Variants in CFAP53 observed in about 807,000 individuals in gnomAD.
The protein encoded by CFAP53 is cilia and flagella associated protein 53.
Under a neutral mutation model 59.7 loss-of-function variants are expected in CFAP53, and 62 were observed. The ratio of observed to expected loss-of-function variants is 1.04; its 90% CI spans 0.85 to 1.28. The LOEUF is 1.28. Ranked by LOEUF, CFAP53 falls within the 50% of genes most tolerant of loss-of-function variation. The pLI, the probability that CFAP53 is intolerant of heterozygous loss-of-function variation, is 0.00. For missense variants in CFAP53, 629 were observed against 615.6 expected (o/e 1.02, Z -0.23); for synonymous variants, 218 against 205.7 (o/e 1.06, Z -0.51).
At chr18:50,243,971 CA>C (rs928727724) in intron 5 of CFAP53, among the ~76,000 whole-genome samples, 5 of 150,448 alleles carry the variant, frequency 3.3e-5, no homozygotes, top group Admixed American at 1.3e-4. Flanking sequence ...AAAACAAAAA[CA>C]AAAAAAATCA....
At chr18:50,236,423 T>G (rs1426864968) in intron 7 of CFAP53, among the ~76,000 whole-genome samples, 2 of 152,212 alleles carry the variant, frequency 1.3e-5, no homozygotes, top group African/African-American at 2.4e-5. Context: ...AGCTTCTATC[T>G]CCATCTCCTT....
chr18:50,251,212 A>G (rs920790), intron 4 of CFAP53, among the ~76,000 whole-genome samples: 17,805 of 152,264 alleles, frequency 0.12, 1,245 homozygotes, highest in African/African-American at 0.19. Context: ...TGAAAACAGA[A>G]AAGTATAAAC....
rs557771609 is a variant in CFAP53 at position 50,251,481 on chromosome 18, C to A, written c.777G>T (p.Val259=). Residue 259 remains valine (V), a splice_region_variant and synonymous_variant, in exon 4 of 8, where the codon GTG becomes GTT. Transcript: ENST00000398545. ...QLLKEEEARL[V]ESNNAQIKHE... ...TCTAACAAGCATTTTAAAGGCCCAC[C>A]ACAAGGCGTGCCTCCTCTTCCTTCA... is the stretch of plus-strand genomic sequence containing the variant. The A allele has an allele frequency of 1.2e-5, 19 of 1,611,440 alleles. No homozygotes were observed. Among genetic ancestry groups the A allele is most frequent in the East Asian group, 4.5e-5 (2 of 44,898 alleles).
chr18:50,249,404 A>G (rs1395815773), intron 5 of CFAP53, among the ~76,000 whole-genome samples: 3 of 151,116 alleles, frequency 2.0e-5, no homozygotes, highest in African/African-American at 7.3e-5. Flanking sequence ...TGTAATCCCA[A>G]CTACTCAGGA....
chr18:50,233,840 T>C (rs1450494918), intron 7 of CFAP53, among the ~76,000 whole-genome samples: 3 of 152,198 alleles, frequency 2.0e-5, no homozygotes, highest in Non-Finnish European at 4.4e-5. Flanking sequence ...ACAAGCCTGA[T>C]ACTCTGGATT....
rs1262016193 is a variant in CFAP53 at position 50,243,085 on chromosome 18, T to C, written c.1028A>G (p.His343Arg). ...EDMIREQKIY[H>R]KYLAQRREEE... ...CTCACGTCTCTGTGCCAAATATTTATGGTATATCTTCTGTTCTCTTATCAT... is the reference window on the plus strand; with the variant it reads ...CTCACGTCTCTGTGCCAAATATTTACGGTATATCTTCTGTTCTCTTATCAT... Residue 343 changes from histidine (H) to arginine (R), a missense_variant, in exon 6 of 8, where the codon CAT (histidine) becomes CGT (arginine). Physicochemically the swap from His to Arg is conservative, Grantham distance 29 (BLOSUM62 0). Transcript: ENST00000398545. 5 of 1,613,112 alleles carry C rather than the reference T, an allele frequency of 3.1e-6. No homozygotes were observed. The highest frequency in any genetic ancestry group is 1.7e-5 in the Admixed American group (1 of 60,026).
chr18:50,238,148 AT>A (rs1232276481), intron 7 of CFAP53, among the ~76,000 whole-genome samples: 2 of 152,228 alleles, frequency 1.3e-5, no homozygotes, highest in East Asian at 3.8e-4. Flanking sequence ...TTTACATGAA[AT>A]TTTGTAAACT....
rs778222519 is a variant in CFAP53 at position 50,251,672 on chromosome 18, C to T, written c.586G>A (p.Val196Met). The T allele has an allele frequency of 1.2e-6, 2 of 1,614,258 alleles. No homozygotes were observed. The highest frequency in any genetic ancestry group is 3.3e-5 in the Admixed American group (2 of 60,028). ...AGTTTGGAGAACATCTGCTCTTCCA[C>T]CAGCTTTTGCCTGCTCAGCTCCTCA... Reference protein sequence around the residue: ...FNEELSRQKLVEEQMFSKLWE... With the variant: ...FNEELSRQKLMEEQMFSKLWE... The change falls in exon 4 of 8, where the codon GTG becomes ATG. Residue 196 changes from valine (V) to methionine (M), a missense_variant. Val to Met is a conservative substitution (Grantham distance 21, BLOSUM62 1). Transcript: ENST00000398545.
intron 3 of CFAP53, among the ~76,000 whole-genome samples, chr18:50,255,581 A>AG (rs2033839622): frequency 2.0e-5 from 3 of 151,706 alleles, no homozygotes; most frequent in East Asian, 3.9e-4. Context: ...AAATACAAAA[A>AG]AAAACCACTG....
intron 1 of CFAP53, among the ~76,000 whole-genome samples, chr18:50,263,505 G>C (rs2033913085): frequency 6.6e-6 from 1 of 152,194 alleles, no homozygotes; most frequent in South Asian, 2.1e-4. Context: ...AGGCAAGCCT[G>C]GGGTGGTAAG....
intron 7 of CFAP53, 75 bp from the exon 8 acceptor site, chr18:50,227,684 A>T (rs1440581711): frequency 7.0e-6 from 8 of 1,149,534 alleles, no homozygotes; most frequent in Non-Finnish European, 6.3e-6. Flanking sequence ...TTACAATTAA[A>T]ATATAATTTG....
intron 6 of CFAP53, among the ~76,000 whole-genome samples, chr18:50,242,103 T>C (rs1024243517): frequency 1.1e-4 from 16 of 152,246 alleles, no homozygotes; most frequent in Non-Finnish European, 2.1e-4. Context: ...AAGAAAAACA[T>C]GGCTCTATTC....
intron 3 of CFAP53, among the ~76,000 whole-genome samples, chr18:50,260,146 A>C (rs1484397698): frequency 6.6e-6 from 1 of 152,196 alleles, no homozygotes; most frequent in Non-Finnish European, 1.5e-5. Flanking sequence ...AGTAGTGGGT[A>C]GTCTATCAGG....
At chr18:50,266,261 A>G in intron 1 of CFAP53, 75 bp downstream of exon 1, 3 of 1,431,728 alleles carry the variant, frequency 2.1e-6, no homozygotes, top group Non-Finnish European at 2.9e-6. Flanking sequence ...TGGGGGCCGA[A>G]GTGGGATAGG....
chr18:50,241,874 T>C (rs1329398525), intron 6 of CFAP53, among the ~76,000 whole-genome samples: 1 of 152,142 alleles, frequency 6.6e-6, no homozygotes, highest in African/African-American at 2.4e-5. Flanking sequence ...AGAGGACCAG[T>C]CTGACTAGAT....
At chr18:50,255,017 G>C (rs2033834862) in intron 3 of CFAP53, among the ~76,000 whole-genome samples, 1 of 152,112 alleles carries the variant, frequency 6.6e-6, no homozygotes, top group Non-Finnish European at 1.5e-5. Flanking sequence ...ACTTATAATA[G>C]AGCAAAACTA....
intron 1 of CFAP53, among the ~76,000 whole-genome samples, chr18:50,262,718 A>G (rs1363121534): frequency 6.6e-6 from 1 of 152,144 alleles, no homozygotes; most frequent in African/African-American, 2.4e-5. Context: ...AAAAATATAC[A>G]TGTGTGTATA....
At position 50,250,987 on chromosome 18, in the gene CFAP53, A is replaced by C. The variant is rs1315551703; in HGVS notation, c.778-11T>G. The C allele has an allele frequency of 5.0e-6, 8 of 1,608,268 alleles. No individual in the cohort carries two copies. The highest frequency in any genetic ancestry group is 6.8e-6 in the Non-Finnish European group (8 of 1,175,056). ...TGCGTTGTTACTTTCCTAAGGTAGA[A>C]TCATAATAAAGATAATGCATCAGTA... On this transcript the variant is annotated splice_polypyrimidine_tract_variant and intron_variant, in intron 4 of 7. Transcript: ENST00000398545.
intron 3 of CFAP53, among the ~76,000 whole-genome samples, chr18:50,255,291 G>C (rs957028283): frequency 6.6e-6 from 1 of 152,156 alleles, no homozygotes; most frequent in Non-Finnish European, 1.5e-5. Context: ...TGATGGGGGT[G>C]AGAGTAGTGG....
Sources: allele counts gnomAD v4.1 joint callset (sites outside exome capture counted in the v4.1 genomes callset), GRCh38; gene constraint gnomAD v4.1.1; transcripts MANE v1.5; gene names NCBI Gene and HGNC (gene_info 2026-07-23, HGNC 2026-07-21).